The following KCNC2 variants were observed in gnomAD, a reference collection of about 807,000 sequenced individuals.
The protein encoded by KCNC2 is voltage-gated potassium channel KCNC2.
KCNC2 carries 21 observed loss-of-function variants against 44.5 expected under a neutral mutation model. That is an observed-to-expected ratio of 0.47 (90% CI 0.33 to 0.68). KCNC2 has a LOEUF of 0.68. Ranked by LOEUF, KCNC2 falls within the 30% of genes least tolerant of loss-of-function variation. The pLI, the probability that KCNC2 is intolerant of heterozygous loss-of-function variation, is 0.01. For missense variants in KCNC2, 589 were observed against 826.2 expected (o/e 0.71, Z 3.52); for synonymous variants, 391 against 339.1 (o/e 1.15, Z -1.68).
intron 2 of KCNC2, among the ~76,000 whole-genome samples, chr12:75,083,290 A>G (rs376540686): frequency 1.3e-5 from 2 of 151,972 alleles, no homozygotes; most frequent in South Asian, 4.1e-4. Flanking sequence ...TTCTCTAATA[A>G]TAATCTAATT....
intron 2 of KCNC2, among the ~76,000 whole-genome samples, chr12:75,179,108 A>C (rs559227813): frequency 6.6e-6 from 1 of 152,062 alleles, no homozygotes; most frequent in Non-Finnish European, 1.5e-5. Flanking sequence ...TGATTCTAAA[A>C]AAGTTTCACC....
chr12:75,135,658 A>T (rs1355343545), intron 2 of KCNC2, among the ~76,000 whole-genome samples: 2 of 152,080 alleles, frequency 1.3e-5, no homozygotes, highest in Admixed American at 1.3e-4. Flanking sequence ...GTATAAGAAC[A>T]TTCTACATTG....
rs199774303 is a variant in KCNC2, at chr12:75,051,162, G to T, written c.843C>A (p.Ala281=). ...VLQYEIETDP[A]LTYVEGVCVV... ...CACACACTCCTTCTACATACGTCAA[G>T]GCAGGATCCGTTTCAATTTCATACT... The change falls in exon 3 of 5, where the codon GCC becomes GCA. Residue 281 remains alanine (A), a synonymous_variant. Transcript: ENST00000549446. 1.9e-6 allele frequency: 3 copies of T among 1,613,744 alleles called. No homozygotes were observed. Among genetic ancestry groups the T allele is most frequent in the Non-Finnish European group, 2.5e-6 (3 of 1,179,772 alleles).
intron 2 of KCNC2, among the ~76,000 whole-genome samples, chr12:75,151,220 C>T (rs1172679833): frequency 6.6e-6 from 1 of 151,858 alleles, no homozygotes; most frequent in Non-Finnish European, 1.5e-5. Flanking sequence ...TGAAACCCTT[C>T]CATATCAAAC....
chr12:75,171,217 T>C (rs541557788), intron 2 of KCNC2, among the ~76,000 whole-genome samples: 1 of 151,936 alleles, frequency 6.6e-6, no homozygotes, highest in South Asian at 2.1e-4. Flanking sequence ...TTAGGAGCCT[T>C]AGTTACTTCG....
intron 2 of KCNC2, among the ~76,000 whole-genome samples, chr12:75,194,333 G>A (rs1304114422): frequency 1.2e-4 from 18 of 152,154 alleles, no homozygotes; most frequent in Admixed American, 1.2e-3. Flanking sequence ...TGTGAAGATG[G>A]AGATGCATCT....
chr12:75,172,913 T>C (rs1650826214), intron 2 of KCNC2, among the ~76,000 whole-genome samples: 1 of 151,840 alleles, frequency 6.6e-6, no homozygotes, highest in Non-Finnish European at 1.5e-5. Context: ...TTTAACAAGG[T>C]ATAATTATTA....
intron 2 of KCNC2, among the ~76,000 whole-genome samples, chr12:75,166,748 A>G (rs912739799): frequency 3.3e-5 from 5 of 151,240 alleles, no homozygotes; most frequent in African/African-American, 1.2e-4. Flanking sequence ...GAAATTAGAA[A>G]ATACCTTGCA....
intron 2 of KCNC2, among the ~76,000 whole-genome samples, chr12:75,131,807 G>C (rs991399375): frequency 2.6e-5 from 4 of 152,208 alleles, no homozygotes; most frequent in Non-Finnish European, 4.4e-5. Context: ...TGAGCTTCAC[G>C]GTAGAATCTC....
intron 2 of KCNC2, among the ~76,000 whole-genome samples, chr12:75,080,807 T>G (rs1271209899): frequency 6.6e-6 from 1 of 152,074 alleles, no homozygotes; most frequent in Non-Finnish European, 1.5e-5. Context: ...CATGTGCATG[T>G]GCCGTGATGG....
At chr12:75,061,039 T>C (rs1882267177) in intron 2 of KCNC2, among the ~76,000 whole-genome samples, 1 of 152,260 alleles carries the variant, frequency 6.6e-6, no homozygotes, top group African/African-American at 2.4e-5. Context: ...TTTTCTAATA[T>C]AGCACTTACC....
At chr12:75,123,779 C>T (rs1888206948) in intron 2 of KCNC2, among the ~76,000 whole-genome samples, 1 of 152,114 alleles carries the variant, frequency 6.6e-6, no homozygotes, top group African/African-American at 2.4e-5. Context: ...GATCAGTGAG[C>T]ATTACACAGA....
chr12:75,054,194 C>T (rs982712415), intron 2 of KCNC2, among the ~76,000 whole-genome samples: 2 of 150,448 alleles, frequency 1.3e-5, no homozygotes, highest in African/African-American at 4.9e-5. Context: ...CCACTACACT[C>T]GAGCCTGGGC....
chr12:75,040,813 C>T lies in KCNC2; in HGVS notation c.*2292G>A. 1 of 357,502 alleles carries T rather than the reference C, an allele frequency of 2.8e-6. No individual in the cohort carries two copies. Among genetic ancestry groups the T allele is most frequent in the Non-Finnish European group, 5.2e-6 (1 of 192,072 alleles). The allele number at this position is 357,502 out of a possible 1,614,324, so 22.1% of individuals were successfully genotyped here. A position where few individuals can be genotyped will look rare whatever the true frequency, so the allele number is the denominator to read the frequency against. ...TATCACTGCCTTAAGTAATTCACAGCACAACCTAATGTGGGCCCATGAAGA... is the reference window on the plus strand; with the variant it reads ...TATCACTGCCTTAAGTAATTCACAGTACAACCTAATGTGGGCCCATGAAGA... On this transcript the variant is annotated 3_prime_UTR_variant, in exon 5 of 5. Coordinates refer to ENST00000549446, the MANE Select transcript of KCNC2 (RefSeq NM_139137.4).
intron 2 of KCNC2, among the ~76,000 whole-genome samples, chr12:75,182,019 G>A (rs917722442): frequency 1.3e-4 from 16 of 121,176 alleles, no homozygotes; most frequent in East Asian, 5.6e-4. Flanking sequence ...TGATCTGCCC[G>A]CCTCAGCCAT....
intron 2 of KCNC2, among the ~76,000 whole-genome samples, chr12:75,178,025 A>T (rs912836935): frequency 1.3e-5 from 2 of 152,048 alleles, no homozygotes; most frequent in African/African-American, 4.8e-5. Context: ...CAGGCCTACC[A>T]TTGATGCCTC....
intron 2 of KCNC2, among the ~76,000 whole-genome samples, chr12:75,189,299 G>A (rs1260887407): frequency 6.6e-6 from 1 of 152,146 alleles, no homozygotes. Flanking sequence ...CCATGGTCAC[G>A]TTCTCTACAA....
At chr12:75,043,926 C>A in intron 4 of KCNC2, 1 of 583,420 alleles carries the variant, frequency 1.7e-6, no homozygotes, top group South Asian at 3.3e-5. Flanking sequence ...AGCTGATTTC[C>A]ACCCCCGACC....
intron 2 of KCNC2, among the ~76,000 whole-genome samples, chr12:75,092,937 C>T (rs1481983937): frequency 6.6e-6 from 1 of 150,856 alleles, no homozygotes; most frequent in African/African-American, 2.4e-5. Flanking sequence ...ATCTGTTCAT[C>T]ACTAATCTTT....
Sources: gnomAD v4.1 joint callset for allele counts (sites outside exome capture counted in the v4.1 genomes callset) on GRCh38, gnomAD v4.1.1 for gene constraint, MANE v1.5 for transcripts, NCBI Gene and HGNC (gene_info 2026-07-23, HGNC 2026-07-21) for gene names.